Variants in DYNC1H1 observed in about 807,000 individuals in gnomAD.
DYNC1H1 encodes dynein cytoplasmic 1 heavy chain 1.
Under a neutral mutation model 527.1 loss-of-function variants are expected in DYNC1H1, and 51 were observed. The observed-to-expected ratio is 0.10, with a 90% confidence interval of 0.08 to 0.12. DYNC1H1 has a LOEUF of 0.12. Ranked by LOEUF, DYNC1H1 falls within the 10% of genes least tolerant of loss-of-function variation. The pLI is 1.00. For synonymous variants in DYNC1H1, 2,189 were observed against 2,278.8 expected (o/e 0.96, Z 1.12); for missense variants, 2,771 against 5,971.8 (o/e 0.46, Z 17.66).
Position 102,040,682 on chromosome 14 carries a change from C to A in DYNC1H1, c.11941+9C>A. The A allele has an allele frequency of 6.2e-7, 1 of 1,614,200 alleles. No individual in the cohort carries two copies. Among genetic ancestry groups the A allele is most frequent in the Non-Finnish European group, 8.5e-7 (1 of 1,180,028 alleles). On this transcript the variant is annotated intron_variant, in intron 64 of 77. Transcript: ENST00000360184. ...TGAAGAAACACCTGCAAGTAAGCCCCACTGTGGTTTTCTTTCTGGACCTGA... is the reference window on the plus strand; with the variant it reads ...TGAAGAAACACCTGCAAGTAAGCCCAACTGTGGTTTTCTTTCTGGACCTGA...
intron 72 of DYNC1H1, 176 bp from the exon 73 acceptor site, chr14:102,047,641 G>GCACA (rs1555412489): frequency 1.9e-5 from 6 of 316,756 alleles, no homozygotes; most frequent in Non-Finnish European, 3.2e-5. Context: ...GTGTGTGTGT[G>GCACA]TATATATATA....
In DYNC1H1 at chr14:102,044,744, T is replaced by C. The variant is rs2048695053; in HGVS notation, c.13006+46T>C. 7.2e-7 allele frequency: 1 copy of C among 1,396,396 alleles called. No homozygotes were observed. Among genetic ancestry groups the C allele is most frequent in the East Asian group, 2.3e-5 (1 of 44,098 alleles). The allele number at this position is 1,396,396 out of a possible 1,614,324, so 86.5% of individuals were successfully genotyped here. A position where few individuals can be genotyped will look rare whatever the true frequency, so the allele number is the denominator to read the frequency against. On this transcript the variant is annotated intron_variant, in intron 72 of 77. Coordinates refer to ENST00000360184, the MANE Select transcript of DYNC1H1 (RefSeq NM_001376.5). The surrounding 1 kb of genome is among the most constrained non-coding windows in gnomAD (Gnocchi z 7.1). ...CCACACGCAGGGTGGGTGGCGAGGG[T>C]CCCCTCACGCGGGGTGGGTGGCGAG...
chr14:102,005,584 C>G lies in DYNC1H1; in HGVS notation c.5434-304C>G, dbSNP rs2048188607. Among the ~76,000 whole-genome samples the G allele has an allele frequency of 1.3e-5, 2 of 152,206 alleles. No homozygotes were observed. The highest frequency in any genetic ancestry group is 4.8e-5 in the African/African-American group (2 of 41,454). On this transcript the variant is annotated intron_variant, in intron 26 of 77. Transcript: ENST00000360184. This position sits in a 1 kb window ranked among gnomAD's most constrained non-coding sequence, Gnocchi z 4.0. ...GCCCCATGGCGGCACGTGGCAGACT[C>G]CTAGGATAGACGTCAGAAAGCTAGT...
At chr14:102,043,142 G>A (rs1027123823) in intron 69 of DYNC1H1, 18 of 333,796 alleles carry the variant, frequency 5.4e-5, no homozygotes, top group South Asian at 4.4e-4. Context: ...AATTAGCCAG[G>A]CGTGGTGGCG....
intron 7 of DYNC1H1, among the ~76,000 whole-genome samples, chr14:101,984,409 G>A (rs1475682860): frequency 8.5e-6 from 1 of 118,176 alleles, no homozygotes; most frequent in East Asian, 2.2e-4. Context: ...ATATGTGTGT[G>A]TGTGTGTGTG....
Position 102,004,690 on chromosome 14 carries a change from T to C in DYNC1H1, c.5049+7T>C, listed in dbSNP as rs374768466. ...ATCTCGGGAAGGAGAGGAGGTAAAT[T>C]TATGTTCGTAACTTTTAAAACTTCT... is the stretch of plus-strand genomic sequence containing the variant. On this transcript the variant is annotated splice_region_variant and intron_variant, in intron 24 of 77. Transcript: ENST00000360184. 23 of 1,614,072 alleles carry C rather than the reference T, an allele frequency of 1.4e-5. No individual in the cohort carries two copies. Among genetic ancestry groups the C allele is most frequent in the Non-Finnish European group, 1.9e-5 (23 of 1,180,046 alleles).
Position 102,017,531 on chromosome 14 carries a change from C to G in DYNC1H1, c.8177+27C>G, listed in dbSNP as rs2048337246. On this transcript the variant is annotated intron_variant, in intron 40 of 77. Transcript: ENST00000360184. This position sits in a 1 kb window ranked among gnomAD's most constrained non-coding sequence, Gnocchi z 4.6. ...TAAAACAGCTCGGTAGACTGCTCTG[C>G]TTCACACACGCACAGCTCCAGGATT... 1.2e-6 allele frequency: 2 copies of G among 1,610,388 alleles called. No homozygotes were observed. Among genetic ancestry groups the G allele is most frequent in the Non-Finnish European group, 1.7e-6 (2 of 1,179,402 alleles).
Position 102,006,018 on chromosome 14 carries a change from A to G in DYNC1H1, c.5564A>G (p.Gln1855Arg), listed in dbSNP as rs1164357880. Residue 1855 changes from glutamine to arginine, a missense_variant, in exon 27 of 78, where the codon CAG becomes CGG. Physicochemically the swap from Gln to Arg is conservative, Grantham distance 43 (BLOSUM62 1). Around this residue, in one of 32 missense-constraint regions of DYNC1H1, gnomAD observed 64 missense variants for 143.4 expected, o/e 0.45. Transcript: ENST00000360184. ...GACCCTAAGCAAACTGATGTGTTACAGCAGTTGTCAATTCAAATGGCAAAT... is the reference window on the plus strand; with the variant it reads ...GACCCTAAGCAAACTGATGTGTTACGGCAGTTGTCAATTCAAATGGCAAAT... ...YFDPKQTDVL[Q>R]QLSIQMANAK... 1.2e-6 allele frequency: 2 copies of G among 1,614,264 alleles called. No individual in the cohort carries two copies. The highest frequency in any genetic ancestry group is 1.7e-6 in the Non-Finnish European group (2 of 1,180,046).
At chr14:102,043,757 C>A in intron 69 of DYNC1H1, 118 bp from the exon 70 acceptor site, 1 of 1,419,536 alleles carries the variant, frequency 7.0e-7, no homozygotes, top group Non-Finnish European at 9.8e-7. Flanking sequence ...TGTGAATCTG[C>A]TGCCATCGTC....
At chr14:101,980,688 C>T in intron 5 of DYNC1H1, 138 bp downstream of exon 5, 1 of 1,005,926 alleles carries the variant, frequency 9.9e-7, no homozygotes, top group East Asian at 2.6e-5. Context: ...TACATCACAT[C>T]TTATCTTTCC....
At chr14:102,023,277 G>A (rs1489127785) in intron 43 of DYNC1H1, 25 of 347,562 alleles carry the variant, frequency 7.2e-5, no homozygotes, top group Admixed American at 1.2e-4. Flanking sequence ...TCAGCCGGGC[G>A]CGGTGGCTCA....
intron 1 of DYNC1H1, among the ~76,000 whole-genome samples, chr14:101,971,285 A>G (rs921953315): frequency 3.1e-4 from 46 of 150,692 alleles, no homozygotes; most frequent in African/African-American, 1.1e-3. Context: ...TCTTGCCCAG[A>G]CTGGTCTCAA....
chr14:102,039,278 A>G lies in DYNC1H1; in HGVS notation c.11460+24A>G, dbSNP rs200479258. 3.7e-6 allele frequency: 6 copies of G among 1,612,266 alleles called. No homozygotes were observed. The highest frequency in any genetic ancestry group is 5.1e-6 in the Non-Finnish European group (6 of 1,179,978). ...AGGTGGGTGCCTTGGCCATGCAGAG[A>G]CTGGCGGGCCCCGCACAGTAGCTCC... is the stretch of plus-strand genomic sequence containing the variant. On this transcript the variant is annotated intron_variant, in intron 60 of 77. Transcript: ENST00000360184. The surrounding 1 kb of genome is among the most constrained non-coding windows in gnomAD (Gnocchi z 7.0).
intron 5 of DYNC1H1, 143 bp from the exon 6 acceptor site, chr14:101,982,876 C>A: frequency 1.0e-6 from 1 of 991,976 alleles, no homozygotes. Context: ...CTGTTAATAA[C>A]GTGTTGTTTT....
At chr14:102,037,306 C>T (rs1440594032) in intron 57 of DYNC1H1, 1 of 152,246 alleles carries the variant, frequency 6.6e-6, no homozygotes, top group Non-Finnish European at 1.5e-5. Flanking sequence ...CACCTGTAGT[C>T]CCAGCTACTC....
rs2048330221 is a variant in DYNC1H1, at chr14:102,016,918, G to A, written c.7767G>A (p.Lys2589=). ...ALLYTWLAEH[K]PLVLCGPPGS... is the part of the protein sequence containing the mutation. Reference sequence around the variant, plus strand: ...TGTACACTTGGCTGGCCGAACACAAGCCCCTGGTCTTGTGTGGCCCTCCTG... The same window carrying A: ...TGTACACTTGGCTGGCCGAACACAAACCCCTGGTCTTGTGTGGCCCTCCTG... Residue 2589 remains lysine (K), a synonymous_variant, in exon 38 of 78, where the codon AAG becomes AAA. Coordinates refer to ENST00000360184, the MANE Select transcript of DYNC1H1 (RefSeq NM_001376.5). The surrounding 1 kb of genome is among the most constrained non-coding windows in gnomAD (Gnocchi z 7.3). The A allele has an allele frequency of 6.2e-7, 1 of 1,614,118 alleles. No individual in the cohort carries two copies. Among genetic ancestry groups the A allele is most frequent in the African/African-American group, 1.3e-5 (1 of 74,954 alleles).
At position 102,020,279 on chromosome 14, in the gene DYNC1H1, C is replaced by A. The variant is rs574762260; in HGVS notation, c.8507+223C>A. On this transcript the variant is annotated intron_variant, in intron 42 of 77. Coordinates refer to ENST00000360184, the MANE Select transcript of DYNC1H1 (RefSeq NM_001376.5). The surrounding 1 kb of genome is among the most constrained non-coding windows in gnomAD (Gnocchi z 4.3). ...TGCGCTGAATGCACCGGCTGGCCCA[C>A]CACTGTCTGCTTACACAAGGCACTT... 1.7e-3 allele frequency among the ~76,000 whole-genome samples: 254 copies of A among 152,272 alleles called. 1 individual carries two copies. The highest frequency in any genetic ancestry group is 2.6e-3 in the Non-Finnish European group (179 of 68,016).
Position 102,002,945 on chromosome 14 carries a change from A to G in DYNC1H1, c.4863A>G (p.Arg1621=). 6.2e-7 allele frequency: 1 copy of G among 1,614,166 alleles called. No individual in the cohort carries two copies. The highest frequency in any genetic ancestry group is 8.5e-7 in the Non-Finnish European group (1 of 1,180,042). The change falls in exon 23 of 78, where the codon AGA becomes AGG. Residue 1621 remains arginine, a synonymous_variant. Transcript: ENST00000360184. This position sits in a 1 kb window ranked among gnomAD's most constrained non-coding sequence, Gnocchi z 4.4. ...IQKALGEYLE[R]ERSSFPRFYF... ...AAGCATTGGGAGAATATCTGGAAAG[A>G]GAGCGGTCATCTTTCCCCAGGTAAG...
rs2048877919 is a variant in DYNC1H1, at chr14:102,056,434, C to A, written c.*5871C>A. The A allele has an allele frequency of 6.6e-6, 1 of 152,188 alleles. No individual in the cohort carries two copies. Among genetic ancestry groups the A allele is most frequent in the Non-Finnish European group, 1.5e-5 (1 of 68,042 alleles). 9.4% of individuals were successfully genotyped at this position (152,188 alleles called of 1,614,324 possible). On this transcript the variant is annotated 3_prime_UTR_variant, in exon 78 of 78. Transcript: ENST00000360184. ...ATGCTCCCAGCTGAATAAAGCCCTT[C>A]CTTCTACAACTCGGTGTCTGAGGGG...
Sources: gnomAD v4.1 joint callset for allele counts (sites outside exome capture counted in the v4.1 genomes callset) on GRCh38, gnomAD v4.1.1 for gene constraint, gnomAD v4.1.1 regional missense constraint, Gnocchi (gnomAD v3.1) non-coding constraint, MANE v1.5 for transcripts, NCBI Gene and HGNC (gene_info 2026-07-23, HGNC 2026-07-21) for gene names.